The following SEPTIN11 variants were observed in gnomAD, a reference collection of about 807,000 sequenced individuals.
SEPTIN11 encodes the protein septin-11.
SEPTIN11 carries 25 observed loss-of-function variants against 51.4 expected under a neutral mutation model. The observed-to-expected ratio is 0.49, with a 90% confidence interval of 0.35 to 0.68. The LOEUF (loss-of-function observed/expected upper bound fraction) is 0.68. Ranked by LOEUF, SEPTIN11 falls within the 30% of genes least tolerant of loss-of-function variation. SEPTIN11 has a pLI of 0.00. For synonymous variants in SEPTIN11, 174 were observed against 184.1 expected (o/e 0.95, Z 0.44); for missense variants, 381 against 520.8 (o/e 0.73, Z 2.61).
chr4:76,997,872 C>G lies in SEPTIN11; in HGVS notation c.142+1333C>G, dbSNP rs368554361. On this transcript the variant is annotated intron_variant, in intron 2 of 9. Transcript: ENST00000264893. ...TTGTAATCGCAGGCCAATTACTATT[C>G]TGGCTTCTCTTCAGTGCCTCCCCAG... Among the ~76,000 whole-genome samples, 12 of 152,292 alleles carry G rather than the reference C, an allele frequency of 7.9e-5. No individual in the cohort carries two copies. In the East Asian group the frequency reaches 1.5e-3, roughly 20 times the overall value.
In SEPTIN11 at chr4:77,011,769, T is replaced by C. The variant is rs755411718; in HGVS notation, c.373T>C (p.Phe125Leu). Reference protein sequence around the residue: ...KPIVEYIDAQFEAYLQEELKI... With the variant: ...KPIVEYIDAQLEAYLQEELKI... ...GATAGTAGAATATATTGATGCCCAG[T>C]TCGAGGCCTACCTGCAAGAGGAATT... The change falls in exon 4 of 10, where the codon TTC (phenylalanine) becomes CTC (leucine). Residue 125 changes from phenylalanine to leucine, a missense_variant. Phe to Leu is a conservative substitution (Grantham distance 22). This residue lies in a region of SEPTIN11 where 184 missense variants were observed against 207.7 expected (regional missense o/e 0.89). Transcript: ENST00000264893. The C allele has an allele frequency of 5.0e-6, 8 of 1,614,154 alleles. No homozygotes were observed. The Admixed American group carries it at 1.0e-4, about 20-fold the overall frequency.
At chr4:76,955,393 A>C (rs1721516875) in intron 1 of SEPTIN11, among the ~76,000 whole-genome samples, 1 of 152,194 alleles carries the variant, frequency 6.6e-6, no homozygotes, top group Non-Finnish European at 1.5e-5. Context: ...AGGAAACAGC[A>C]TGTGCCAAGC....
intron 2 of SEPTIN11, among the ~76,000 whole-genome samples, chr4:77,001,494 T>C (rs927689117): frequency 6.6e-6 from 1 of 151,976 alleles, no homozygotes; most frequent in Non-Finnish European, 1.5e-5. Flanking sequence ...GGATTACAGG[T>C]GCCCACCACC....
intron 1 of SEPTIN11, among the ~76,000 whole-genome samples, chr4:76,962,264 T>G (rs1416508925): frequency 6.6e-6 from 1 of 152,220 alleles, no homozygotes; most frequent in Non-Finnish European, 1.5e-5. Context: ...TGAAAAAGCC[T>G]TGGCCTTTTG....
chr4:77,018,886 CAT>C (rs1298507061), intron 5 of SEPTIN11, among the ~76,000 whole-genome samples: 3 of 152,212 alleles, frequency 2.0e-5, no homozygotes, highest in Admixed American at 2.0e-4. Flanking sequence ...TCAACAGTCA[CAT>C]ATAGTTAGTG....
chr4:77,029,356 A>G (rs1259409230), intron 8 of SEPTIN11, among the ~76,000 whole-genome samples: 5 of 150,290 alleles, frequency 3.3e-5, no homozygotes, highest in East Asian at 1.9e-4. Context: ...GTGTGTGTGT[A>G]TGTGTGCTTG....
chr4:76,963,991 C>T (rs1188965299), intron 1 of SEPTIN11, among the ~76,000 whole-genome samples: 1 of 151,918 alleles, frequency 6.6e-6, no homozygotes, highest in Non-Finnish European at 1.5e-5. Flanking sequence ...GTGTGATGTT[C>T]CCCTTCCTGT....
chr4:76,987,608 G>A (rs1241370278), intron 1 of SEPTIN11, among the ~76,000 whole-genome samples: 1 of 152,158 alleles, frequency 6.6e-6, no homozygotes, highest in African/African-American at 2.4e-5. Flanking sequence ...AAAAGAGAAT[G>A]TGAAACCAAT....
At chr4:76,963,701 A>T (rs1560695717) in intron 1 of SEPTIN11, among the ~76,000 whole-genome samples, 1 of 152,250 alleles carries the variant, frequency 6.6e-6, no homozygotes, top group South Asian at 2.1e-4. Context: ...AAACAGCCAC[A>T]TGTGGCAAGT....
chr4:77,010,718 A>G (rs966678818), intron 3 of SEPTIN11, among the ~76,000 whole-genome samples: 1 of 152,104 alleles, frequency 6.6e-6, no homozygotes, highest in African/African-American at 2.4e-5. Flanking sequence ...GGGTGTTGAA[A>G]GGTTTTTATT....
intron 1 of SEPTIN11, among the ~76,000 whole-genome samples, chr4:76,991,103 G>A (rs951839577): frequency 8.5e-5 from 13 of 152,216 alleles, no homozygotes; most frequent in African/African-American, 2.9e-4. Flanking sequence ...CCTAGCAGCT[G>A]TAATAGAACT....
Position 76,979,446 on chromosome 4 carries a change from GGGC to G in SEPTIN11, c.28-16976_28-16974del, listed in dbSNP as rs143496010. 1.2e-3 allele frequency among the ~76,000 whole-genome samples: 176 copies of G among 152,312 alleles called. 2 individuals carry two copies. In the East Asian group the frequency reaches 0.031, roughly 27 times the overall value. ...GAGTCAGTTGTCCAGTTTAGTGTAT[GGGC>G]GGTGGTGGACTTAGAATCTGGCAAA... On this transcript the variant is annotated intron_variant, in intron 1 of 9. Transcript: ENST00000264893.
chr4:76,987,936 G>A (rs1178752981), intron 1 of SEPTIN11: 1 of 487,072 alleles, frequency 2.1e-6, no homozygotes, highest in Non-Finnish European at 2.7e-6. Flanking sequence ...TCAAAGGAGT[G>A]TACTGTACAT....
intron 5 of SEPTIN11, among the ~76,000 whole-genome samples, chr4:77,018,177 C>T (rs577055508): frequency 7.2e-5 from 11 of 151,954 alleles, no homozygotes; most frequent in Admixed American, 3.3e-4. Context: ...CGGTGACTCA[C>T]GCCAGCACTT....
intron 1 of SEPTIN11, among the ~76,000 whole-genome samples, chr4:76,979,406 G>A (rs1196259068): frequency 1.3e-5 from 2 of 152,158 alleles, no homozygotes; most frequent in African/African-American, 4.8e-5. Flanking sequence ...TGCAGAGGTC[G>A]GTATGCTTTG....
chr4:77,039,081 T>C (rs753856018), downstream of SEPTIN11: 1 of 1,289,176 alleles, frequency 7.8e-7, no homozygotes, highest in South Asian at 1.2e-5. Flanking sequence ...AGCTTCTTCT[T>C]TATGTAACCA....
intron 1 of SEPTIN11, among the ~76,000 whole-genome samples, chr4:76,982,355 C>T (rs986622998): frequency 3.9e-5 from 6 of 151,938 alleles, no homozygotes; most frequent in East Asian, 3.9e-4. Flanking sequence ...GGATTACAGG[C>T]GGGTGCCACC....
intron 7 of SEPTIN11, chr4:77,021,049 C>T (rs1212939977): frequency 3.6e-5 from 6 of 165,614 alleles, no homozygotes; most frequent in South Asian, 2.0e-4. Flanking sequence ...TACAAAGGTG[C>T]GGCTGCTGAT....
chr4:76,962,796 G>T (rs948232965), intron 1 of SEPTIN11, among the ~76,000 whole-genome samples: 6 of 152,126 alleles, frequency 3.9e-5, no homozygotes, highest in African/African-American at 1.4e-4. Context: ...ATCTTTTAAT[G>T]TATTTCTTTA....
Sources: allele counts gnomAD v4.1 joint callset (sites outside exome capture counted in the v4.1 genomes callset), GRCh38; gene constraint gnomAD v4.1.1; regional missense constraint gnomAD v4.1.1; transcripts MANE v1.5; gene names NCBI Gene and HGNC (gene_info 2026-07-23, HGNC 2026-07-21).